Variants in CCNL1 observed in about 807,000 individuals in gnomAD.
CCNL1 encodes the protein cyclin-L1.
Under a neutral mutation model 60.6 loss-of-function variants are expected in CCNL1, and 13 were observed. The observed-to-expected ratio is 0.21, with a 90% CI of 0.14 to 0.34. CCNL1 has a LOEUF of 0.34. Among genes scored for constraint, CCNL1 ranks in the 10% least tolerant of loss-of-function variants. CCNL1 has a pLI of 1.00. For missense variants in CCNL1, 481 were observed against 664.3 expected, an observed-to-expected ratio of 0.72 and a Z score of 3.03; for synonymous variants, 270 against 244.3, an observed-to-expected ratio of 1.10 and a Z score of -0.98.
chr3:157,144,654 GTTCCTATTTCCACA>G (rs1737729949), downstream of CCNL1, among the ~76,000 whole-genome samples: 1 of 152,240 alleles, frequency 6.6e-6, no homozygotes. Context: ...ACGCTGCTCC[GTTCCTATTTCCACA>G]TAGGGAAGTG....
rs866943376 is a variant in CCNL1 at position 157,148,310 on chromosome 3, G to T, written c.1512C>A (p.Ser504=). 6.2e-7 allele frequency: 1 copy of T among 1,614,184 alleles called. No individual in the cohort carries two copies. The highest frequency in any genetic ancestry group is 8.5e-7 in the Non-Finnish European group (1 of 1,180,022). Residue 504 remains serine, a synonymous_variant, in exon 11 of 11, where the codon TCC becomes TCA. Coordinates refer to ENST00000295926, the MANE Select transcript of CCNL1 (RefSeq NM_020307.4). ...HHRDRRERSR[S]FERSHKSKHH... ...GCTTGCTTTTATGGGACCTCTCAAA[G>T]GAGCGAGATCGTTCACGCCTGTCCC...
At chr3:157,159,278 G>C in intron 2 of CCNL1, 127 bp downstream of exon 2, 1 of 803,950 alleles carries the variant, frequency 1.2e-6, no homozygotes, top group South Asian at 1.7e-5. Context: ...TTCCTGGCGA[G>C]TGAGAAGTAG....
rs143536926 is a variant in CCNL1 at position 157,158,769 on chromosome 3, A to C, written c.488+97T>G. 1.5e-5 allele frequency: 11 copies of C among 719,808 alleles called. No individual in the cohort carries two copies. The African/African-American group carries it at 2.0e-4, about 13-fold the overall frequency. 44.6% of individuals were successfully genotyped at this position (719,808 alleles called of 1,614,324 possible). The stretch of plus-strand genomic sequence containing the variant: ...TAAATTAAAGTCCGTTTTCTTTTGC[A>C]TCCGTATTCACTTGAAAGGAAAGAT... On this transcript the variant is annotated intron_variant, in intron 3 of 10. Transcript: ENST00000295926.
At position 157,148,548 on chromosome 3, in the gene CCNL1, C is replaced by G; in HGVS notation, c.1274G>C (p.Arg425Thr). Reference sequence around the variant, plus strand: ...GTGACTGCGGGACCTGCTTCTTGATCTCGAGCTGTATGTTCCAGATCGACT... The same window carrying G: ...GTGACTGCGGGACCTGCTTCTTGATGTCGAGCTGTATGTTCCAGATCGACT... Reference protein sequence around the residue: ...RRSRSGTYSSRSRSRSRSHSE... With the variant: ...RRSRSGTYSSTSRSRSRSHSE... The change falls in exon 11 of 11, where the codon AGA (arginine) becomes ACA (threonine). Residue 425 changes from arginine to threonine, a missense_variant. Arg to Thr is a moderately conservative substitution (Grantham distance 71, BLOSUM62 -1). Around this residue, in one of 5 missense-constraint regions of CCNL1, gnomAD observed 197 missense variants for 233.9 expected, o/e 0.84. Coordinates refer to ENST00000295926, the MANE Select transcript of CCNL1 (RefSeq NM_020307.4). 6.2e-6 allele frequency: 10 copies of G among 1,614,020 alleles called. No individual in the cohort carries two copies. The highest frequency in any genetic ancestry group is 8.5e-6 in the Non-Finnish European group (10 of 1,179,986).
chr3:157,159,075 G>A (rs1008181527), intron 2 of CCNL1, 100 bp from the exon 3 acceptor site: 7 of 775,966 alleles, frequency 9.0e-6, no homozygotes, highest in African/African-American at 5.2e-5. Flanking sequence ...TAAAATTAGA[G>A]AAGACATCTC....
chr3:157,146,408 T>C, downstream of CCNL1: 1 of 350,402 alleles, frequency 2.9e-6, no homozygotes, highest in South Asian at 2.1e-5. Context: ...CAAACCTCAT[T>C]CCACATGCAG....
downstream of CCNL1, among the ~76,000 whole-genome samples, chr3:157,147,380 C>T (rs1737820525): frequency 1.3e-5 from 2 of 152,168 alleles, no homozygotes; most frequent in South Asian, 4.1e-4. Flanking sequence ...AGGGGCCTCA[C>T]ATTTTCTCCT....
downstream of CCNL1, among the ~76,000 whole-genome samples, chr3:157,144,038 A>G (rs533841567): frequency 6.6e-6 from 1 of 152,356 alleles, no homozygotes; most frequent in East Asian, 1.9e-4. Context: ...TAGCTGATAC[A>G]GGGAAATTTG....
rs1371602706 is a variant in CCNL1, at chr3:157,149,403, A to G, written c.1134-18T>C. 6.2e-7 allele frequency: 1 copy of G among 1,611,570 alleles called. No individual in the cohort carries two copies. Among genetic ancestry groups the G allele is most frequent in the Non-Finnish European group, 8.5e-7 (1 of 1,177,846 alleles). On this transcript the variant is annotated intron_variant, in intron 9 of 10. Coordinates refer to ENST00000295926, the MANE Select transcript of CCNL1 (RefSeq NM_020307.4). ...TTCTTACACTTCAAAAAATCATGAC[A>G]TATTAGTTACAAACTTAGTGTGTTA...
chr3:157,149,177 C>A (rs2108111179), intron 10 of CCNL1, 110 bp downstream of exon 10: 1 of 849,806 alleles, frequency 1.2e-6, no homozygotes, highest in Non-Finnish European at 1.9e-6. Context: ...ATACTAAAAG[C>A]CTAATTCTAA....
chr3:157,159,399 G>C lies in CCNL1; in HGVS notation c.378+6C>G. 6.2e-7 allele frequency: 1 copy of C among 1,613,662 alleles called. No homozygotes were observed. Among genetic ancestry groups the C allele is most frequent in the Non-Finnish European group, 8.5e-7 (1 of 1,179,608 alleles). On this transcript the variant is annotated splice_donor_region_variant and intron_variant, in intron 2 of 10. Coordinates refer to ENST00000295926, the MANE Select transcript of CCNL1 (RefSeq NM_020307.4). ...AATCCCTTTTACCCGCCTCCGCTGT[G>C]CTTACCTCGAAACTGTGTTTGACGA...
intron 3 of CCNL1, among the ~76,000 whole-genome samples, chr3:157,155,358 GT>G (rs1197113919): frequency 6.6e-6 from 1 of 152,062 alleles, no homozygotes; most frequent in Non-Finnish European, 1.5e-5. Flanking sequence ...AGCTAAATAT[GT>G]TTGAATTATA....
In CCNL1 at chr3:157,150,274, A is replaced by G; in HGVS notation, c.774+8T>C. The G allele has an allele frequency of 1.2e-6, 2 of 1,613,550 alleles. No individual in the cohort carries two copies. The highest frequency in any genetic ancestry group is 1.7e-6 in the Non-Finnish European group (2 of 1,179,606). On this transcript the variant is annotated splice_region_variant and intron_variant, in intron 6 of 10. Coordinates refer to ENST00000295926, the MANE Select transcript of CCNL1 (RefSeq NM_020307.4). ...TCCTACAGAACAAAATGGGAAATATACACCTACCTGAAGTGCTCTAGCTGC... is the reference window on the plus strand; with the variant it reads ...TCCTACAGAACAAAATGGGAAATATGCACCTACCTGAAGTGCTCTAGCTGC...
In CCNL1 at chr3:157,149,946, T is replaced by G. The variant is rs1738045604; in HGVS notation, c.911A>C (p.Glu304Ala). 7.4e-6 allele frequency: 12 copies of G among 1,613,676 alleles called. No homozygotes were observed. Among genetic ancestry groups the G allele is most frequent in the Non-Finnish European group, 1.0e-5 (12 of 1,179,926 alleles). ...TTCTTGTAAGGCTACTTTTCTTTTT[T>G]CTACTTCTTTTTCCAGTAATTCATA... is the stretch of plus-strand genomic sequence containing the variant. ...PNYELLEKEV[E>A]KRKVALQEAK... The change falls in exon 8 of 11, where the codon GAA becomes GCA. Residue 304 changes from glutamate (E) to alanine (A), a missense_variant. By Grantham distance (107) the Glu-to-Ala change is moderately radical. Transcript: ENST00000295926.
At chr3:157,151,562 T>C (rs1459559927) in intron 5 of CCNL1, 1 of 985,840 alleles carries the variant, frequency 1.0e-6, no homozygotes, top group Non-Finnish European at 1.2e-6. Context: ...AAGTTTGTCG[T>C]CTCCTTTGGT....
At chr3:157,147,012 G>A (rs1737808525), downstream of CCNL1, among the ~76,000 whole-genome samples, 1 of 152,140 alleles carries the variant, frequency 6.6e-6, no homozygotes, top group Admixed American at 6.5e-5. Flanking sequence ...TGCCATTGGT[G>A]AACACATTTT....
intron 4 of CCNL1, 65 bp downstream of exon 4, chr3:157,152,971 A>G: frequency 6.3e-7 from 1 of 1,579,116 alleles, no homozygotes; most frequent in Non-Finnish European, 8.6e-7. Context: ...ATAAATTCAT[A>G]TAAAATAAAA....
At chr3:157,149,439 A>ATAT in intron 9 of CCNL1, 46 bp downstream of exon 9, 1 of 1,608,314 alleles carries the variant, frequency 6.2e-7, no homozygotes, top group African/African-American at 1.3e-5. Flanking sequence ...AAAAGTAAAC[A>ATAT]CATAAAAGAT....
At chr3:157,150,216 T>C in intron 6 of CCNL1, 47 bp from the exon 7 acceptor site, 1 of 1,608,670 alleles carries the variant, frequency 6.2e-7, no homozygotes. Context: ...TTGCTAAATC[T>C]GTATTGGAAC....
Sources: allele counts gnomAD v4.1 joint callset (sites outside exome capture counted in the v4.1 genomes callset), GRCh38; gene constraint gnomAD v4.1.1; regional missense constraint gnomAD v4.1.1; transcripts MANE v1.5; gene names NCBI Gene and HGNC (gene_info 2026-07-23, HGNC 2026-07-21).